EDEM3: variants seen among roughly 807,000 people sequenced by gnomAD.
The protein encoded by EDEM3 is ER degradation enhancing alpha-mannosidase like protein 3.
Under a neutral mutation model 110.2 loss-of-function variants are expected in EDEM3, and 60 were observed. The ratio of observed to expected loss-of-function variants is 0.54; its 90% CI spans 0.44 to 0.67. The LOEUF (loss-of-function observed/expected upper bound fraction) is 0.67, where lower values mean the gene tolerates loss of function less well. Among genes scored for constraint, EDEM3 ranks in the 30% least tolerant of loss-of-function variants. The pLI, the probability that EDEM3 is intolerant of heterozygous loss-of-function variation, is 0.00. For missense variants in EDEM3, 996 were observed against 1,121.0 expected (o/e 0.89, Z 1.59); for synonymous variants, 352 against 382.9 (o/e 0.92, Z 0.94).
chr1:184,708,474 T>A, intron 16 of EDEM3, 130 bp from the exon 17 acceptor site: 2 of 813,748 alleles, frequency 2.5e-6, no homozygotes. Flanking sequence ...CACCACCAAG[T>A]ATTTATGACC....
At position 184,717,580 on chromosome 1, in the gene EDEM3, A is replaced by C; in HGVS notation, c.1205T>G (p.Leu402Ter). ...DFRVHWAQHP[L>*]RPEFAESTYF... is the part of the protein sequence containing the mutation. ...GGTACTTTCTGCAAATTCTGGCCTT[A>C]AAGGATGTTGAGCCCAGTGTACTCT... The change falls in exon 12 of 20, where the codon TTA (leucine) becomes TGA (stop). Residue 402 changes from leucine to a stop codon, truncating the protein, a stop_gained. Coordinates refer to ENST00000318130, the MANE Select transcript of EDEM3 (RefSeq NM_025191.4). LOFTEE classifies it high-confidence loss of function. 1 of 1,607,502 alleles carries C rather than the reference A, an allele frequency of 6.2e-7. No homozygotes were observed. The highest frequency in any genetic ancestry group is 8.5e-7 in the Non-Finnish European group (1 of 1,177,420).
In EDEM3 at chr1:184,692,579, A is replaced by G. The variant is rs1005781182; in HGVS notation, c.*1484T>C. On this transcript the variant is annotated 3_prime_UTR_variant, in exon 20 of 20. Coordinates refer to ENST00000318130, the MANE Select transcript of EDEM3 (RefSeq NM_025191.4). ...GTACCTCACAACCGTGTTTTAGGAA[A>G]AAGTTTTGTGTAATGTTATGGTAAA... 7 of 152,128 alleles carry G rather than the reference A, an allele frequency of 4.6e-5. No individual in the cohort carries two copies. Among genetic ancestry groups the G allele is most frequent in the African/African-American group, 1.7e-4 (7 of 41,446 alleles). 9.4% of individuals were successfully genotyped at this position (152,128 alleles called of 1,614,324 possible). A position where few individuals can be genotyped will look rare whatever the true frequency, so the allele number is the denominator to read the frequency against.
intron 6 of EDEM3, among the ~76,000 whole-genome samples, chr1:184,728,871 G>C (rs540611480): frequency 6.6e-6 from 1 of 152,318 alleles, no homozygotes; most frequent in African/African-American, 2.4e-5. Flanking sequence ...GCCTCCCAAA[G>C]TGCTGGGATT....
At chr1:184,721,827 A>G (rs1321438116) in intron 8 of EDEM3, among the ~76,000 whole-genome samples, 1 of 151,868 alleles carries the variant, frequency 6.6e-6, no homozygotes, top group African/African-American at 2.4e-5. Flanking sequence ...AAAAACACCT[A>G]TTTTACTGTC....
intron 2 of EDEM3, among the ~76,000 whole-genome samples, chr1:184,747,532 G>A (rs1652498541): frequency 6.6e-6 from 1 of 152,170 alleles, no homozygotes; most frequent in Non-Finnish European, 1.5e-5. Context: ...GAATATAGAA[G>A]AAGTACACAG....
intron 2 of EDEM3, among the ~76,000 whole-genome samples, chr1:184,748,599 C>G (rs962882970): frequency 1.3e-5 from 2 of 151,986 alleles, no homozygotes; most frequent in African/African-American, 4.8e-5. Flanking sequence ...TGTGCTCTCT[C>G]CAAATTTACA....
In EDEM3 at chr1:184,702,983, C is replaced by G; in HGVS notation, c.2217G>C (p.Gly739=). The G allele has an allele frequency of 6.2e-7, 1 of 1,602,452 alleles. No individual in the cohort carries two copies. Among genetic ancestry groups the G allele is most frequent in the Non-Finnish European group, 8.5e-7 (1 of 1,175,552 alleles). The change falls in exon 19 of 20, where the codon GGG becomes GGC. Residue 739 remains glycine (G), a synonymous_variant. Transcript: ENST00000318130. Reference sequence around the variant, plus strand: ...ACAGAGGGGCAGTATCACTGCTGCTCCCCTCATTGTCATCTAGCCAGAAAA... The same window carrying G: ...ACAGAGGGGCAGTATCACTGCTGCTGCCCTCATTGTCATCTAGCCAGAAAA... ...IGGIVIDDNE[G]SSSDTAPLFQ...
chr1:184,700,852 T>C (rs1221617666), intron 19 of EDEM3, among the ~76,000 whole-genome samples: 2 of 152,030 alleles, frequency 1.3e-5, no homozygotes, highest in Non-Finnish European at 2.9e-5. Flanking sequence ...AATTAGACTG[T>C]ATCTTGTTGC....
At chr1:184,699,026 A>G (rs1649474378) in intron 19 of EDEM3, among the ~76,000 whole-genome samples, 1 of 151,912 alleles carries the variant, frequency 6.6e-6, no homozygotes, top group Non-Finnish European at 1.5e-5. Flanking sequence ...TCGTAAGAGC[A>G]TAACAACCAC....
intron 2 of EDEM3, among the ~76,000 whole-genome samples, chr1:184,744,513 A>G (rs1652321071): frequency 6.6e-6 from 1 of 151,802 alleles, no homozygotes; most frequent in African/African-American, 2.4e-5. Context: ...GGCATTTCTT[A>G]TTAAGTTAAA....
chr1:184,713,446 AG>A (rs1036906563), intron 13 of EDEM3, among the ~76,000 whole-genome samples: 7 of 152,308 alleles, frequency 4.6e-5, no homozygotes, highest in Admixed American at 4.6e-4. Flanking sequence ...ATTTAAGAAA[AG>A]TTTAAATTAA....
chr1:184,744,731 T>C (rs1041124643), intron 2 of EDEM3, among the ~76,000 whole-genome samples: 2 of 152,004 alleles, frequency 1.3e-5, no homozygotes, highest in Non-Finnish European at 2.9e-5. Flanking sequence ...TACTGAGTAA[T>C]AAATAAGAAT....
intron 13 of EDEM3, 88 bp from the exon 14 acceptor site, chr1:184,712,686 T>G: frequency 1.1e-6 from 1 of 890,152 alleles, no homozygotes; most frequent in South Asian, 2.0e-5. Context: ...AGGTTAATAA[T>G]CCTGTCTATA....
chr1:184,736,972 T>C, intron 4 of EDEM3, 53 bp downstream of exon 4: 1 of 1,371,814 alleles, frequency 7.3e-7, no homozygotes, highest in Non-Finnish European at 1.0e-6. Flanking sequence ...ATATTCATAA[T>C]ACTTAAGTGT....
At chr1:184,714,436 T>A (rs1650430994) in intron 13 of EDEM3, among the ~76,000 whole-genome samples, 2 of 152,192 alleles carry the variant, frequency 1.3e-5, no homozygotes. Context: ...TTTTCAGTAA[T>A]TATGATTAGG....
rs1287618853 is a variant in EDEM3 at position 184,690,433 on chromosome 1, T to C, written c.*3630A>G. ...GTTTAAAAAAAAAAGGAAAACAGAG[T>C]GATAAACATCAAGACATAAAAGTAT... On this transcript the variant is annotated 3_prime_UTR_variant, in exon 20 of 20. Transcript: ENST00000318130. The C allele has an allele frequency of 6.6e-6, 1 of 150,500 alleles. No individual in the cohort carries two copies. Among genetic ancestry groups the C allele is most frequent in the African/African-American group, 2.4e-5 (1 of 40,860 alleles). The allele number at this position is 150,500 out of a possible 1,614,324, so 9.3% of individuals were successfully genotyped here.
chr1:184,718,011 A>G (rs1253982834), intron 11 of EDEM3, among the ~76,000 whole-genome samples: 1 of 151,998 alleles, frequency 6.6e-6, no homozygotes, highest in Non-Finnish European at 1.5e-5. Flanking sequence ...TAAATCGACA[A>G]ATAAAAGTGA....
At chr1:184,751,644 G>GA (rs371671154) in intron 1 of EDEM3, among the ~76,000 whole-genome samples, 8 of 151,394 alleles carry the variant, frequency 5.3e-5, no homozygotes, top group Admixed American at 6.6e-5. Context: ...ATACTGAACA[G>GA]AAAAAAAAAT....
In EDEM3 at chr1:184,732,972, G is replaced by C; in HGVS notation, c.477C>G (p.His159Gln). The part of the protein sequence containing the change: ...IRVLGGLLGG[H>Q]SLAIMLKEKG... ...TTTCTTTCAGCATGATTGCCAGGGA[G>C]TGCCCACCCAAAAGACCCCTAGGAT... Residue 159 changes from histidine (H) to glutamine (Q), a missense_variant, in exon 6 of 20, where the codon CAC becomes CAG. His to Gln is a conservative substitution (Grantham distance 24). Around this residue, in one of 5 missense-constraint regions of EDEM3, gnomAD observed 310 missense variants for 394.6 expected, o/e 0.79. Coordinates refer to ENST00000318130, the MANE Select transcript of EDEM3 (RefSeq NM_025191.4). The C allele has an allele frequency of 6.2e-7, 1 of 1,613,492 alleles. No homozygotes were observed. The highest frequency in any genetic ancestry group is 8.5e-7 in the Non-Finnish European group (1 of 1,179,658).
Sources: allele counts gnomAD v4.1 joint callset (sites outside exome capture counted in the v4.1 genomes callset), GRCh38; gene constraint gnomAD v4.1.1; regional missense constraint gnomAD v4.1.1; transcripts MANE v1.5; gene names NCBI Gene and HGNC (gene_info 2026-07-23, HGNC 2026-07-21).